Variants in INSL6 observed in about 807,000 individuals in gnomAD.
INSL6 encodes insulin like 6, also known as insulin-like peptide INSL6.
Under a neutral mutation model 9.4 loss-of-function variants are expected in INSL6, and 16 were observed. The ratio of observed to expected loss-of-function variants is 1.70; its 90% CI spans 1.15 to 2.59. The LOEUF (loss-of-function observed/expected upper bound fraction) is 2.59. Ranked by LOEUF, INSL6 falls within the 30% of genes most tolerant of loss-of-function variation. The pLI is 0.00. For missense variants in INSL6, 391 were observed against 257.3 expected (o/e 1.52, Z -3.56); for synonymous variants, 154 against 96.9 (o/e 1.59, Z -3.46).
At chr9:5,086,016 T>C in the INSL6 span, 2 of 812,208 alleles carry the variant, frequency 2.5e-6, no homozygotes, top group Non-Finnish European at 4.4e-6. Flanking sequence ...TGATATACTA[T>C]ATACATTTGG....
At chr9:5,150,104 A>T (rs1824682002) in intron 2 of INSL6, among the ~76,000 whole-genome samples, 1 of 152,210 alleles carries the variant, frequency 6.6e-6, no homozygotes, top group African/African-American at 2.4e-5. Context: ...ACTCAAGATA[A>T]ATTAAAGATT....
chr9:5,094,598 A>G, the INSL6 span: 1 of 152,104 alleles, frequency 6.6e-6, no homozygotes, highest in Non-Finnish European at 1.5e-5. Flanking sequence ...GACCGCTCCT[A>G]CCATCATGAC....
At chr9:5,147,279 G>A (rs1586861950) in intron 2 of INSL6, among the ~76,000 whole-genome samples, 1 of 152,186 alleles carries the variant, frequency 6.6e-6, no homozygotes, top group Non-Finnish European at 1.5e-5. Flanking sequence ...CAAGCAGTGG[G>A]GGATATGTGG....
the INSL6 span, chr9:5,022,011 G>A: frequency 6.2e-6 from 10 of 1,613,876 alleles, no homozygotes; most frequent in Non-Finnish European, 8.5e-6. Flanking sequence ...GCCTTACGAT[G>A]ACAGAAATGG....
chr9:5,046,258 C>A, the INSL6 span, among the ~76,000 whole-genome samples: 1 of 152,030 alleles, frequency 6.6e-6, no homozygotes, highest in African/African-American at 2.4e-5. Context: ...ATTTTTAAAT[C>A]AGGTTGTTTG....
At chr9:5,147,651 T>C (rs1323767286) in intron 2 of INSL6, among the ~76,000 whole-genome samples, 3 of 138,036 alleles carry the variant, frequency 2.2e-5, no homozygotes, top group African/African-American at 9.0e-5. Flanking sequence ...TCAAATATAT[T>C]TTCCAAGTTT....
the INSL6 span, among the ~76,000 whole-genome samples, chr9:5,113,144 T>C: frequency 6.9e-6 from 1 of 144,880 alleles, no homozygotes; most frequent in African/African-American, 2.6e-5. Context: ...ACCTGCCCCA[T>C]GGACCCTGAA....
chr9:5,102,600 C>T, the INSL6 span, among the ~76,000 whole-genome samples: 1 of 152,052 alleles, frequency 6.6e-6, no homozygotes. Context: ...TCATATTCAC[C>T]AAGGTTGAAA....
At chr9:5,110,374 T>C in the INSL6 span, 1 of 152,194 alleles carries the variant, frequency 6.6e-6, no homozygotes, top group African/African-American at 2.4e-5. Flanking sequence ...ATCATAGCAT[T>C]CTCCACCTCA....
the INSL6 span, chr9:5,065,146 CAA>C: frequency 2.9e-6 from 2 of 681,852 alleles, no homozygotes; most frequent in Non-Finnish European, 4.3e-6. Context: ...AATAATTTGA[CAA>C]GTTTTTTTTA....
chr9:5,129,610 TA>T (rs1824213390), intron 3 of INSL6, among the ~76,000 whole-genome samples: 1 of 152,146 alleles, frequency 6.6e-6, no homozygotes, highest in South Asian at 2.1e-4. Flanking sequence ...GACTAGGTTT[TA>T]TGAGATAAGC....
In INSL6 at chr9:5,185,382, G is replaced by C. The variant is rs201962912; in HGVS notation, c.221C>G (p.Ala74Gly). 5 of 1,614,146 alleles carry C rather than the reference G, an allele frequency of 3.1e-6. No individual in the cohort carries two copies. Among genetic ancestry groups the C allele is most frequent in the Non-Finnish European group, 4.2e-6 (5 of 1,180,010 alleles). ...GCTTTCGAACTGGTATGGGCTGTAG[G>C]CTTCGACCTTCTCCGAGGCCTGTGC... ...LIAQASEKVE[A>G]YSPYQFESPQ... Residue 74 changes from alanine (A) to glycine (G), a missense_variant, in exon 1 of 2, where the codon GCC becomes GGC. Transcript: ENST00000381641.
chr9:5,054,502 T>C, the INSL6 span: 2 of 1,380,600 alleles, frequency 1.4e-6, no homozygotes, highest in Non-Finnish European at 2.0e-6. The surrounding 1 kb of genome is among the most constrained non-coding windows in gnomAD (Gnocchi z 4.9). Context: ...TTTCAATTTT[T>C]AGATTTATCT....
intron 1 of INSL6, among the ~76,000 whole-genome samples, chr9:5,170,586 T>C (rs1586874812): frequency 7.1e-6 from 1 of 140,324 alleles, no homozygotes; most frequent in African/African-American, 2.7e-5. Flanking sequence ...ACTAATAAAA[T>C]AGACCACTAG....
chr9:5,147,357 G>A lies in INSL6; in HGVS notation c.377-13765C>T, dbSNP rs371548726. Among the ~76,000 whole-genome samples, 35 of 152,320 alleles carry A rather than the reference G, an allele frequency of 2.3e-4. 1 individual carries two copies. In the South Asian group the frequency reaches 7.3e-3, roughly 32 times the overall value. ...GCAGCTTGCTGGAGGTGTGGATAAG[G>A]TGCTTAGGGTTTTTGCTCCTTTGTT... On this transcript the variant is annotated intron_variant, in intron 2 of 3. Coordinates refer to the INSL6 transcript ENST00000649639.
intron 2 of INSL6, among the ~76,000 whole-genome samples, chr9:5,138,259 G>C (rs568400049): frequency 6.6e-6 from 1 of 151,674 alleles, no homozygotes; most frequent in South Asian, 2.1e-4. Flanking sequence ...TATAAATCAC[G>C]CTACTATAAA....
chr9:5,103,803 G>A, the INSL6 span, among the ~76,000 whole-genome samples: 2 of 152,226 alleles, frequency 1.3e-5, no homozygotes, highest in Admixed American at 6.5e-5. Context: ...TGAACAACCT[G>A]CTCCTGAATG....
the INSL6 span, among the ~76,000 whole-genome samples, chr9:5,027,123 G>C: frequency 2.2e-4 from 33 of 152,178 alleles, no homozygotes; most frequent in Non-Finnish European, 3.7e-4. Flanking sequence ...CCTTTCTATA[G>C]AGGACAACTG....
At chr9:5,080,426 T>G in the INSL6 span, 4 of 1,554,062 alleles carry the variant, frequency 2.6e-6, no homozygotes, top group Non-Finnish European at 3.5e-6. Context: ...CTCTGAACTT[T>G]CATATTTCTT....
Sources: allele counts gnomAD v4.1 joint callset (sites outside exome capture counted in the v4.1 genomes callset), GRCh38; gene constraint gnomAD v4.1.1; non-coding constraint Gnocchi (gnomAD v3.1); transcripts MANE v1.5; gene names NCBI Gene and HGNC (gene_info 2026-07-23, HGNC 2026-07-21).